FRMD3: variants seen among roughly 807,000 people sequenced by gnomAD.
FRMD3 encodes the protein FERM domain containing 3, also known as FERM domain-containing protein 3.
In FRMD3, 33 loss-of-function variants were observed where a neutral mutation model predicts 70.2. The observed-to-expected ratio is 0.47, with a 90% CI of 0.36 to 0.63. FRMD3 has a LOEUF of 0.63. Ranked by LOEUF, FRMD3 falls within the 20% of genes least tolerant of loss-of-function variation. The probability of loss-of-function intolerance (pLI) is 0.00; values close to 1 mark genes in which losing one functional copy is unlikely to be tolerated. For missense variants in FRMD3, 632 were observed against 711.4 expected, an observed-to-expected ratio of 0.89 and a Z score of 1.27; for synonymous variants, 279 against 255.9, an observed-to-expected ratio of 1.09 and a Z score of -0.86.
At chr9:83,563,749 T>C in the FRMD3 span, among the ~76,000 whole-genome samples, 3 of 152,168 alleles carry the variant, frequency 2.0e-5, no homozygotes, top group Non-Finnish European at 2.9e-5. Flanking sequence ...TGCTGCTTTC[T>C]ACTAAAGAGG....
At chr9:83,488,983 T>TGTGC (rs1169285807) in intron 1 of FRMD3, among the ~76,000 whole-genome samples, 10 of 94,488 alleles carry the variant, frequency 1.1e-4, no homozygotes, top group Non-Finnish European at 2.2e-4. Flanking sequence ...TGTGTGTGTG[T>TGTGC]GTGTGTGTGT....
intron 1 of FRMD3, among the ~76,000 whole-genome samples, chr9:83,416,337 G>T (rs1419248854): frequency 1.3e-5 from 2 of 152,196 alleles, no homozygotes; most frequent in East Asian, 3.8e-4. Context: ...AGGTGAGCTG[G>T]GACACTGAAT....
At chr9:83,409,246 C>T (rs1826212303) in intron 1 of FRMD3, among the ~76,000 whole-genome samples, 1 of 152,202 alleles carries the variant, frequency 6.6e-6, no homozygotes, top group Admixed American at 6.5e-5. Flanking sequence ...AAGCCAGGCG[C>T]ATTGAACTGA....
the FRMD3 span, among the ~76,000 whole-genome samples, chr9:83,562,257 C>T: frequency 1.1e-4 from 16 of 152,150 alleles, no homozygotes; most frequent in African/African-American, 2.2e-4. Context: ...GTTCCTTAGA[C>T]GCGGTATCCT....
At chr9:83,497,588 C>T (rs1007929292) in intron 1 of FRMD3, among the ~76,000 whole-genome samples, 1 of 152,234 alleles carries the variant, frequency 6.6e-6, no homozygotes, top group African/African-American at 2.4e-5. Flanking sequence ...GCCCAGCCTT[C>T]TTGCAGTTGG....
At chr9:83,348,266 T>C (rs946665192) in intron 4 of FRMD3, among the ~76,000 whole-genome samples, 2 of 152,140 alleles carry the variant, frequency 1.3e-5, no homozygotes, top group East Asian at 3.9e-4. Flanking sequence ...CTCTCTCTTT[T>C]TGGCAGCTAA....
intron 2 of FRMD3, among the ~76,000 whole-genome samples, chr9:83,375,017 T>C (rs1825097226): frequency 6.6e-6 from 1 of 152,232 alleles, no homozygotes; most frequent in Admixed American, 6.5e-5. Context: ...TGGCATTCTT[T>C]CAACTCCTCG....
intron 6 of FRMD3, among the ~76,000 whole-genome samples, chr9:83,332,814 A>T (rs568542815): frequency 6.6e-6 from 1 of 152,292 alleles, no homozygotes; most frequent in South Asian, 2.1e-4. Context: ...CGATGGCCAC[A>T]CACCATCCCT....
intron 5 of FRMD3, among the ~76,000 whole-genome samples, chr9:83,338,579 T>C (rs1387129180): frequency 6.6e-6 from 1 of 152,138 alleles, no homozygotes; most frequent in Non-Finnish European, 1.5e-5. Context: ...GTATGCAATA[T>C]GGACAGATCC....
At chr9:83,380,216 T>C (rs181672456) in intron 2 of FRMD3, among the ~76,000 whole-genome samples, 1 of 152,358 alleles carries the variant, frequency 6.6e-6, no homozygotes, top group East Asian at 1.9e-4. Context: ...ATTGTTGAAA[T>C]CTACCTGACC....
intron 1 of FRMD3, among the ~76,000 whole-genome samples, chr9:83,496,216 T>C (rs1447552069): frequency 6.6e-6 from 1 of 152,226 alleles, no homozygotes; most frequent in Non-Finnish European, 1.5e-5. Flanking sequence ...AGTTGATTTA[T>C]GTGAATGAAA....
At chr9:83,408,991 A>T (rs1029472893) in intron 1 of FRMD3, among the ~76,000 whole-genome samples, 1 of 152,192 alleles carries the variant, frequency 6.6e-6, no homozygotes, top group Non-Finnish European at 1.5e-5. Context: ...TTGTCCTGAA[A>T]GTCTACCCAG....
At chr9:83,262,037 G>T (rs1381942054) in intron 13 of FRMD3, among the ~76,000 whole-genome samples, 1 of 152,156 alleles carries the variant, frequency 6.6e-6, no homozygotes, top group Non-Finnish European at 1.5e-5. Context: ...TGTCTGCAAG[G>T]TCCTGAATAG....
intron 1 of FRMD3, among the ~76,000 whole-genome samples, chr9:83,448,126 C>T (rs1827534721): frequency 6.6e-6 from 1 of 152,132 alleles, no homozygotes; most frequent in Admixed American, 6.6e-5. Context: ...GTATGAGAGT[C>T]CAATTTCAAC....
intron 13 of FRMD3, among the ~76,000 whole-genome samples, chr9:83,253,850 G>A (rs979711516): frequency 6.6e-6 from 1 of 152,266 alleles, no homozygotes; most frequent in Admixed American, 6.5e-5. Context: ...CACTGGCAAA[G>A]ACTTGGAACC....
intron 5 of FRMD3, among the ~76,000 whole-genome samples, chr9:83,341,771 G>C (rs1264431238): frequency 1.3e-5 from 2 of 152,086 alleles, no homozygotes; most frequent in African/African-American, 2.4e-5. Context: ...CTGTTCCCAG[G>C]GAAGGGGGTG....
chr9:83,478,085 A>C (rs1341941855), intron 1 of FRMD3, among the ~76,000 whole-genome samples: 1 of 152,134 alleles, frequency 6.6e-6, no homozygotes, highest in Non-Finnish European at 1.5e-5. Flanking sequence ...TCACCCCAAA[A>C]ACTACATCAT....
Position 83,298,816 on chromosome 9 carries a change from A to G in FRMD3, c.1002T>C (p.Ser334=). ...CCACCACCTCTTTGGCAACTTTCCCACTGCAAAAGACAGAAACACATGTGT... is the reference window on the plus strand; with the variant it reads ...CCACCACCTCTTTGGCAACTTTCCCGCTGCAAAAGACAGAAACACATGTGT... ...IFFKGSRFRY[S]GKVAKEVVEA... Residue 334 remains serine, a splice_region_variant and synonymous_variant, in exon 12 of 14, where the codon AGT becomes AGC. Coordinates refer to ENST00000304195, the MANE Select transcript of FRMD3 (RefSeq NM_174938.6). The G allele has an allele frequency of 6.2e-7, 1 of 1,614,046 alleles. No homozygotes were observed. The highest frequency in any genetic ancestry group is 8.5e-7 in the Non-Finnish European group (1 of 1,179,864).
intron 1 of FRMD3, among the ~76,000 whole-genome samples, chr9:83,400,489 T>G (rs1455681654): frequency 6.6e-6 from 1 of 152,170 alleles, no homozygotes. Context: ...ATTCTATAGA[T>G]TCAATGCAAG....
Sources: allele counts gnomAD v4.1 joint callset (sites outside exome capture counted in the v4.1 genomes callset), GRCh38; gene constraint gnomAD v4.1.1; transcripts MANE v1.5; gene names NCBI Gene and HGNC (gene_info 2026-07-23, HGNC 2026-07-21).